PKIB: variants seen among roughly 807,000 people sequenced by gnomAD.
PKIB encodes PKI-beta.
PKIB carries 2 observed loss-of-function variants against 4.5 expected under a neutral mutation model. The ratio of observed to expected loss-of-function variants is 0.44; its 90% confidence interval spans 0.18 to 1.39. The LOEUF (loss-of-function observed/expected upper bound fraction) is 1.39. PKIB is among the 40% of genes most tolerant of loss of function. The pLI is 0.27. For synonymous variants in PKIB, 38 were observed against 36.0 expected (o/e 1.06, Z -0.20); for missense variants, 94 against 92.6 (o/e 1.02, Z -0.06).
chr6:122,556,206 A>C (rs1210151671), intron 2 of PKIB, among the ~76,000 whole-genome samples: 2 of 152,156 alleles, frequency 1.3e-5, no homozygotes, highest in Admixed American at 6.5e-5. Flanking sequence ...TCCTGCTGCT[A>C]TGTGAAGAAG....
intron 2 of PKIB, among the ~76,000 whole-genome samples, chr6:122,585,175 C>T (rs1303929443): frequency 6.6e-6 from 1 of 152,114 alleles, no homozygotes; most frequent in Non-Finnish European, 1.5e-5. Context: ...GCTGTCACTT[C>T]AATAAAAGTT....
At chr6:122,664,285 A>G (rs189766352) in intron 2 of PKIB, among the ~76,000 whole-genome samples, 1 of 152,334 alleles carries the variant, frequency 6.6e-6, no homozygotes, top group Non-Finnish European at 1.5e-5. Flanking sequence ...TGACATGGAC[A>G]ATGTACTGTT....
chr6:122,541,083 C>A (rs1388297696), intron 2 of PKIB, among the ~76,000 whole-genome samples: 1 of 151,132 alleles, frequency 6.6e-6, no homozygotes, highest in Admixed American at 6.6e-5. Context: ...TGTCTCTGCA[C>A]GTGAGATGGG....
chr6:122,670,498 T>TTTGTTGTTGTTGTTG (rs61201088), intron 2 of PKIB, among the ~76,000 whole-genome samples: 30,422 of 151,104 alleles, frequency 0.2, 3,772 homozygotes, highest in East Asian at 0.33. Flanking sequence ...ATCACATGTT[T>TTTGTTGTTGTTGTTG]TTGTTGTTGT....
At chr6:122,564,179 C>T (rs1383882687) in intron 2 of PKIB, among the ~76,000 whole-genome samples, 1 of 152,150 alleles carries the variant, frequency 6.6e-6, no homozygotes, top group East Asian at 1.9e-4. Flanking sequence ...GGGGCACTCA[C>T]AGTTTTTGGG....
intron 3 of PKIB, among the ~76,000 whole-genome samples, chr6:122,600,812 A>G (rs1171823714): frequency 6.6e-6 from 1 of 152,202 alleles, no homozygotes; most frequent in African/African-American, 2.4e-5. Flanking sequence ...GAAGCAGGAA[A>G]TATGACCCAT....
chr6:122,704,728 C>CTGTGTGTGTGTGTGTGTG, intron 3 of PKIB, among the ~76,000 whole-genome samples: 1 of 149,300 alleles, frequency 6.7e-6, no homozygotes, highest in South Asian at 2.2e-4. Context: ...GAAATAATAA[C>CTGTGTGTGTGTGTGTGTG]TGTGTGTGTG....
rs928097213 is a variant in PKIB, at chr6:122,562,063, A to G, written c.-247-23858A>G. Among the ~76,000 whole-genome samples the G allele has an allele frequency of 1.4e-4, 10 of 70,844 alleles. 1 individual carries two copies. The highest frequency in any genetic ancestry group is 5.1e-4 in the African/African-American group (9 of 17,568). 46.5% of individuals were successfully genotyped at this position (70,844 alleles called of 152,430 possible). A position where few individuals can be genotyped will look rare whatever the true frequency, so the allele number is the denominator to read the frequency against. ...TTGCTGTATAGTTTCTGTGTGATTT[A>G]TGCTTTAAAGAGGTTCTGTTTTGAT... On this transcript the variant is annotated intron_variant, in intron 2 of 6. Transcript: ENST00000392491.
At chr6:122,529,336 A>G (rs1455668750) in intron 2 of PKIB, among the ~76,000 whole-genome samples, 1 of 152,090 alleles carries the variant, frequency 6.6e-6, no homozygotes, top group Non-Finnish European at 1.5e-5. Flanking sequence ...CTACTTCTTA[A>G]CAGTTCCACC....
chr6:122,710,970 G>A (rs928817692), intron 3 of PKIB, among the ~76,000 whole-genome samples: 15 of 152,170 alleles, frequency 9.9e-5, no homozygotes, highest in South Asian at 2.1e-4. Context: ...CTTCAAATCC[G>A]TGCTAAATCC....
chr6:122,485,116 A>T (rs144196742), intron 2 of PKIB, among the ~76,000 whole-genome samples: 3,168 of 152,110 alleles, frequency 0.021, 64 homozygotes, highest in Admixed American at 0.043. Context: ...ATATGCTGTG[A>T]TTCTGGGGGC....
At chr6:122,489,908 A>G (rs1251731475) in intron 2 of PKIB, among the ~76,000 whole-genome samples, 1 of 152,152 alleles carries the variant, frequency 6.6e-6, no homozygotes, top group African/African-American at 2.4e-5. Flanking sequence ...GCTTTTTGAG[A>G]TCTATTTTTC....
intron 2 of PKIB, among the ~76,000 whole-genome samples, chr6:122,562,008 T>G (rs1175491075): frequency 1.4e-5 from 2 of 144,536 alleles, no homozygotes; most frequent in East Asian, 2.0e-4. Flanking sequence ...TTTTTTGTTT[T>G]TTTTTTTTTT....
At chr6:122,525,743 T>C (rs1777075104) in intron 2 of PKIB, among the ~76,000 whole-genome samples, 1 of 152,198 alleles carries the variant, frequency 6.6e-6, no homozygotes, top group Non-Finnish European at 1.5e-5. Context: ...TGGAGGGTCT[T>C]GCCTTTATGT....
At chr6:122,666,690 A>C (rs1777232209) in intron 2 of PKIB, among the ~76,000 whole-genome samples, 1 of 152,224 alleles carries the variant, frequency 6.6e-6, no homozygotes, top group South Asian at 2.1e-4. Flanking sequence ...CTATAATGCT[A>C]AGAGGGTATC....
intron 1 of PKIB, among the ~76,000 whole-genome samples, chr6:122,624,200 C>A (rs1034723216): frequency 6.6e-6 from 1 of 152,006 alleles, no homozygotes; most frequent in Non-Finnish European, 1.5e-5. Context: ...AATCAAAATC[C>A]AAAGCAAACA....
intron 1 of PKIB, among the ~76,000 whole-genome samples, chr6:122,614,794 G>T (rs1289700889): frequency 6.6e-6 from 1 of 152,136 alleles, no homozygotes; most frequent in African/African-American, 2.4e-5. Flanking sequence ...ATCAGTGTGT[G>T]TGTATGTGTA....
intron 3 of PKIB, among the ~76,000 whole-genome samples, chr6:122,699,357 C>T (rs1345437431): frequency 6.6e-6 from 1 of 151,738 alleles, no homozygotes; most frequent in Non-Finnish European, 1.5e-5. Context: ...ACATTGGCAC[C>T]AAATGGATCA....
At chr6:122,495,912 C>T (rs771999092) in intron 2 of PKIB, among the ~76,000 whole-genome samples, 1 of 152,158 alleles carries the variant, frequency 6.6e-6, no homozygotes, top group Admixed American at 6.5e-5. Context: ...GCCTCTCCCC[C>T]ACATGGAGAC....
Sources: gnomAD v4.1 joint callset for allele counts (sites outside exome capture counted in the v4.1 genomes callset) on GRCh38, gnomAD v4.1.1 for gene constraint, MANE v1.5 for transcripts, NCBI Gene and HGNC (gene_info 2026-07-23, HGNC 2026-07-21) for gene names.